The following ASTN1 variants were observed in gnomAD, a reference collection of about 807,000 sequenced individuals.
ASTN1 encodes the protein astrotactin 1.
In ASTN1, 41 loss-of-function variants were observed where a neutral mutation model predicts 140.7. The ratio of observed to expected loss-of-function variants is 0.29; its 90% CI spans 0.23 to 0.38. ASTN1 has a LOEUF of 0.38. Among genes scored for constraint, ASTN1 ranks in the 10% least tolerant of loss-of-function variants. The pLI, the probability that ASTN1 is intolerant of heterozygous loss-of-function variation, is 1.00. For synonymous variants in ASTN1, 640 were observed against 652.2 expected (o/e 0.98, Z 0.29); for missense variants, 1,479 against 1,678.8 (o/e 0.88, Z 2.08).
intron 8 of ASTN1, among the ~76,000 whole-genome samples, chr1:177,004,693 C>A (rs1313639358): frequency 1.3e-5 from 2 of 152,092 alleles, no homozygotes; most frequent in Non-Finnish European, 2.9e-5. Context: ...ACCATATGAT[C>A]TTTGACAAAA....
chr1:177,008,026 A>G lies in ASTN1; in HGVS notation c.1523+6765T>C, dbSNP rs554933246. On this transcript the variant is annotated intron_variant, in intron 8 of 22. Coordinates refer to ENST00000361833, the MANE Select transcript of ASTN1 (RefSeq NM_004319.3). ...GGTTTTGTGAAAAATCGGTCAAGTT[A>G]CATGTTTTCGCTTGAGAAAATCCCT... Among the ~76,000 whole-genome samples, 16 of 152,316 alleles carry G rather than the reference A, an allele frequency of 1.1e-4. No homozygotes were observed. In the South Asian group the frequency reaches 3.1e-3, roughly 30 times the overall value.
rs545894184 is a variant in ASTN1 at position 176,963,600 on chromosome 1, A to C, written c.1598+1563T>G. Among the ~76,000 whole-genome samples, 22 of 152,334 alleles carry C rather than the reference A, an allele frequency of 1.4e-4. No individual in the cohort carries two copies. The South Asian group carries it at 3.9e-3, about 27-fold the overall frequency. ...GGCAGCCAGCAACTTTGAAAAGAAC[A>C]TAAATGGTGCTTGTGGGGATAGAAA... is the stretch of plus-strand genomic sequence containing the variant. On this transcript the variant is annotated intron_variant, in intron 9 of 22. Coordinates refer to ENST00000361833, the MANE Select transcript of ASTN1 (RefSeq NM_004319.3).
intron 10 of ASTN1, 152 bp from the exon 11 acceptor site, chr1:176,957,980 C>G: frequency 9.3e-7 from 1 of 1,079,112 alleles, no homozygotes; most frequent in Non-Finnish European, 1.3e-6. Context: ...AAGCCTTGAA[C>G]TAACAAACGA....
rs764306817 is a variant in ASTN1 at position 177,032,594 on chromosome 1, C to T, written c.727G>A (p.Glu243Lys). The change falls in exon 3 of 23, where the codon GAG (glutamate) becomes AAG (lysine). Residue 243 changes from glutamate to lysine, a missense_variant. Physicochemically the swap from Glu to Lys is moderately conservative, Grantham distance 56 (BLOSUM62 1). Transcript: ENST00000361833. Reference sequence around the variant, plus strand: ...TGGCGCAGATCAGTGATGTCATACTCATAGCCGTCCAGGATAGGTGTCTCC... The same window carrying T: ...TGGCGCAGATCAGTGATGTCATACTTATAGCCGTCCAGGATAGGTGTCTCC... ...IRETPILDGY[E>K]YDITDLRHHL... The T allele has an allele frequency of 1.9e-6, 3 of 1,614,108 alleles. No individual in the cohort carries two copies. Among genetic ancestry groups the T allele is most frequent in the South Asian group, 1.1e-5 (1 of 91,088 alleles).
intron 14 of ASTN1, 32 bp downstream of exon 14, chr1:176,943,859 C>A: frequency 1.3e-6 from 2 of 1,547,302 alleles, no homozygotes; most frequent in Non-Finnish European, 1.7e-6. Flanking sequence ...CCTGTTTGTG[C>A]CAGTTGAATA....
chr1:177,047,482 T>G (rs1205517663), intron 2 of ASTN1, among the ~76,000 whole-genome samples: 2 of 152,172 alleles, frequency 1.3e-5, no homozygotes, highest in African/African-American at 4.8e-5. Flanking sequence ...GCCTTCTGAA[T>G]GGAGGAACCT....
chr1:177,034,276 C>CAT (rs1295901767), intron 2 of ASTN1, among the ~76,000 whole-genome samples: 11 of 146,524 alleles, frequency 7.5e-5, no homozygotes, highest in Non-Finnish European at 1.5e-4. Flanking sequence ...CACACACACA[C>CAT]ACACACACTG....
intron 1 of ASTN1, among the ~76,000 whole-genome samples, chr1:177,111,691 C>A (rs139002054): frequency 1.3e-4 from 20 of 152,232 alleles, no homozygotes; most frequent in Middle Eastern, 3.4e-3. Flanking sequence ...AAGACTGGTA[C>A]GAGAGTTTAA....
intron 1 of ASTN1, among the ~76,000 whole-genome samples, chr1:177,077,360 T>C (rs1320656225): frequency 6.6e-6 from 1 of 152,136 alleles, no homozygotes; most frequent in Non-Finnish European, 1.5e-5. Flanking sequence ...AGATACCTAG[T>C]CAGGTATAGA....
At chr1:176,991,233 G>A (rs1426214547) in intron 8 of ASTN1, among the ~76,000 whole-genome samples, 1 of 151,946 alleles carries the variant, frequency 6.6e-6, no homozygotes, top group Non-Finnish European at 1.5e-5. Context: ...GGCCAACATG[G>A]AGAAACCCCG....
intron 8 of ASTN1, among the ~76,000 whole-genome samples, chr1:177,009,263 G>T (rs1437766304): frequency 2.6e-5 from 4 of 152,170 alleles, no homozygotes; most frequent in Non-Finnish European, 5.9e-5. Context: ...ATTAGTGAAG[G>T]CTGGTCTCAC....
intron 8 of ASTN1, among the ~76,000 whole-genome samples, chr1:176,993,341 A>G (rs925131448): frequency 1.3e-5 from 2 of 152,172 alleles, no homozygotes; most frequent in Non-Finnish European, 2.9e-5. Context: ...ACTGTCTTGA[A>G]TTTTCTTATT....
At chr1:176,994,408 G>C (rs950059604) in intron 8 of ASTN1, among the ~76,000 whole-genome samples, 1 of 151,960 alleles carries the variant, frequency 6.6e-6, no homozygotes, top group Non-Finnish European at 1.5e-5. Context: ...GAGTGCAGTA[G>C]CATGATCTCA....
chr1:176,917,253 A>G (rs929812878), intron 16 of ASTN1, among the ~76,000 whole-genome samples: 1 of 152,080 alleles, frequency 6.6e-6, no homozygotes, highest in Non-Finnish European at 1.5e-5. Context: ...TTATTCATCA[A>G]TGTATTCCTA....
intron 1 of ASTN1, among the ~76,000 whole-genome samples, chr1:177,071,595 C>T (rs1378708420): frequency 6.6e-6 from 1 of 152,182 alleles, no homozygotes; most frequent in East Asian, 1.9e-4. Flanking sequence ...TGACCCTGAG[C>T]ACTGCCTTCT....
intron 16 of ASTN1, among the ~76,000 whole-genome samples, chr1:176,923,604 A>G (rs1461697052): frequency 6.6e-6 from 1 of 152,182 alleles, no homozygotes; most frequent in Non-Finnish European, 1.5e-5. Flanking sequence ...ATTACAGTAT[A>G]ATTATCCTAT....
At chr1:176,949,070 G>A in intron 12 of ASTN1, 115 bp downstream of exon 12, 2 of 1,405,388 alleles carry the variant, frequency 1.4e-6, no homozygotes, top group Non-Finnish European at 1.9e-6. Flanking sequence ...TTTCCTCAGA[G>A]ACTAAGGGAT....
intron 20 of ASTN1, among the ~76,000 whole-genome samples, chr1:176,881,897 T>C (rs74127251): frequency 2.0e-3 from 307 of 152,336 alleles, no homozygotes; most frequent in Middle Eastern, 0.014. Context: ...AGACATGATT[T>C]ATTCTGGAAA....
intron 21 of ASTN1, among the ~76,000 whole-genome samples, chr1:176,874,270 C>T (rs1325494251): frequency 6.6e-6 from 1 of 152,184 alleles, no homozygotes; most frequent in East Asian, 1.9e-4. Flanking sequence ...TTTTCCTCAT[C>T]AGGGAATTGC....
Sources: gnomAD v4.1 joint callset for allele counts (sites outside exome capture counted in the v4.1 genomes callset) on GRCh38, gnomAD v4.1.1 for gene constraint, MANE v1.5 for transcripts, NCBI Gene and HGNC (gene_info 2026-07-23, HGNC 2026-07-21) for gene names.